Variants in GANC observed in about 807,000 individuals in gnomAD.
GANC encodes the protein glucosidase alpha, neutral C, also known as neutral alpha-glucosidase C.
GANC carries 117 observed loss-of-function variants against 124.2 expected under a neutral mutation model. The observed-to-expected ratio is 0.94, with a 90% CI of 0.81 to 1.10. The LOEUF (loss-of-function observed/expected upper bound fraction) is 1.10. Among genes scored for constraint, GANC ranks in the 50% least tolerant of loss-of-function variants. GANC has a pLI of 0.00. For missense variants in GANC, 1,140 were observed against 1,095.0 expected (o/e 1.04, Z -0.58); for synonymous variants, 377 against 376.8 (o/e 1.00, Z -0.01).
At chr15:42,278,668 G>A in intron 3 of GANC, 78 bp downstream of exon 3, 2 of 1,013,886 alleles carry the variant, frequency 2.0e-6, no homozygotes, top group Non-Finnish European at 3.0e-6. Flanking sequence ...TTAAAGCTAT[G>A]TATGCTTCAA....
intron 4 of GANC, among the ~76,000 whole-genome samples, chr15:42,288,943 C>CA (rs1410645030): frequency 1.3e-5 from 2 of 152,182 alleles, no homozygotes; most frequent in Admixed American, 1.3e-4. Flanking sequence ...AAGGATAGTA[C>CA]AGCCTTCACA....
intron 21 of GANC, among the ~76,000 whole-genome samples, chr15:42,348,674 C>G (rs1216212797): frequency 2.6e-5 from 4 of 152,214 alleles, no homozygotes; most frequent in Non-Finnish European, 4.4e-5. Context: ...GTGATGTGTC[C>G]TTTTCAGATT....
rs1469368182 is a variant in GANC, at chr15:42,273,343, G to A, written c.-1139G>A. On this transcript the variant is annotated 5_prime_UTR_variant, in exon 1 of 24. Coordinates refer to ENST00000318010, the MANE Select transcript of GANC (RefSeq NM_198141.3). ...GAAAAACGACAGTGGTGACGGGTGAGCTCCCAGAAGCAGAAGAATGACAGG... is the reference window on the plus strand; with the variant it reads ...GAAAAACGACAGTGGTGACGGGTGAACTCCCAGAAGCAGAAGAATGACAGG... 2 of 1,614,118 alleles carry A rather than the reference G, an allele frequency of 1.2e-6. No individual in the cohort carries two copies.
Position 42,308,078 on chromosome 15 carries a change from A to G in GANC, c.626-144A>G, listed in dbSNP as rs1595772359. 5.7e-6 allele frequency: 3 copies of G among 530,446 alleles called. No homozygotes were observed. In the East Asian group the frequency reaches 8.0e-5, roughly 14 times the overall value. 32.9% of individuals were successfully genotyped at this position (530,446 alleles called of 1,614,324 possible). On this transcript the variant is annotated intron_variant, in intron 7 of 23. Coordinates refer to ENST00000318010, the MANE Select transcript of GANC (RefSeq NM_198141.3). ...TGAATATAATATCTCACAGAGGGTC[A>G]GTACACAGCATTTGCTAATTGATCT... is the stretch of plus-strand genomic sequence containing the variant.
chr15:42,349,699 G>C (rs757252828), intron 22 of GANC, among the ~76,000 whole-genome samples: 104 of 152,000 alleles, frequency 6.8e-4, no homozygotes, highest in Admixed American at 2.6e-4. Context: ...TCAGACTAGA[G>C]TGCAGTGGCG....
In GANC at chr15:42,273,216, G is replaced by C; in HGVS notation, c.-1266G>C. ...TTGGGCCGCCGTAGCCCCACCCCTT[G>C]CTCCTCTAGGTTCAGACGTTAGTGA... On this transcript the variant is annotated 5_prime_UTR_variant, in exon 1 of 24. Coordinates refer to ENST00000318010, the MANE Select transcript of GANC (RefSeq NM_198141.3). The C allele has an allele frequency of 6.2e-7, 1 of 1,610,346 alleles. No individual in the cohort carries two copies. Among genetic ancestry groups the C allele is most frequent in the Non-Finnish European group, 8.5e-7 (1 of 1,177,110 alleles).
chr15:42,333,893 T>C (rs2052264898), intron 15 of GANC, among the ~76,000 whole-genome samples: 1 of 152,082 alleles, frequency 6.6e-6, no homozygotes, highest in South Asian at 2.1e-4. Flanking sequence ...TGGGAGGAAA[T>C]AGGTACATAG....
Position 42,326,337 on chromosome 15 carries a change from G to A in GANC, c.1333G>A (p.Asp445Asn). 1 of 1,614,042 alleles carries A rather than the reference G, an allele frequency of 6.2e-7. No homozygotes were observed. The highest frequency in any genetic ancestry group is 8.5e-7 in the Non-Finnish European group (1 of 1,179,950). ...TGATCCCCACATCAAGATTGATCCT[G>A]ACTACTCAGTATATGTGAAGGCCAA... ...ISDPHIKIDP[D>N]YSVYVKAKDQ... The change falls in exon 12 of 24, where the codon GAC becomes AAC. Residue 445 changes from aspartate (D) to asparagine (N), a missense_variant. Transcript: ENST00000318010.
rs908548327 is a variant in GANC, at chr15:42,288,382, C to G, written c.329+564C>G. Among the ~76,000 whole-genome samples, 4 of 152,146 alleles carry G rather than the reference C, an allele frequency of 2.6e-5. No individual in the cohort carries two copies. The South Asian group carries it at 6.2e-4, about 24-fold the overall frequency. ...GGACTAAAGCATTTTCAAGTACCTG[C>G]AAAACTTTAATCTCTTCTCATAACA... On this transcript the variant is annotated intron_variant, in intron 4 of 23. Coordinates refer to ENST00000318010, the MANE Select transcript of GANC (RefSeq NM_198141.3).
intron 3 of GANC, among the ~76,000 whole-genome samples, chr15:42,281,383 A>G (rs995481647): frequency 2.0e-5 from 3 of 152,184 alleles, no homozygotes; most frequent in African/African-American, 7.2e-5. Flanking sequence ...CTCATTGCAT[A>G]GTGAAAGAGC....
chr15:42,282,582 A>C (rs940221602), intron 3 of GANC, among the ~76,000 whole-genome samples: 1 of 152,184 alleles, frequency 6.6e-6, no homozygotes, highest in Non-Finnish European at 1.5e-5. Context: ...GACAAATCCA[A>C]CACTCTTGGT....
At position 42,273,426 on chromosome 15, in the gene GANC, A is replaced by G; in HGVS notation, c.-1056A>G. 1 of 1,613,074 alleles carries G rather than the reference A, an allele frequency of 6.2e-7. No individual in the cohort carries two copies. The highest frequency in any genetic ancestry group is 8.5e-7 in the Non-Finnish European group (1 of 1,179,744). On this transcript the variant is annotated 5_prime_UTR_variant, in exon 1 of 24. Transcript: ENST00000318010. ...TCACAGCCGTGGAGTGCCTACCGAA[A>G]GCATTTCACCCTCTTCCGGTTCGTC...
At chr15:42,285,338 C>T (rs1158318406) in intron 3 of GANC, among the ~76,000 whole-genome samples, 1 of 152,136 alleles carries the variant, frequency 6.6e-6, no homozygotes, top group African/African-American at 2.4e-5. Flanking sequence ...AGCCATTCCC[C>T]ACTGTCTTTA....
At chr15:42,288,199 C>G (rs368444378) in intron 4 of GANC, among the ~76,000 whole-genome samples, 2 of 152,082 alleles carry the variant, frequency 1.3e-5, no homozygotes, top group Admixed American at 1.3e-4. Flanking sequence ...AGCAGGGCTC[C>G]GGAGATCTAA....
chr15:42,274,984 C>T (rs1221201017), intron 1 of GANC, among the ~76,000 whole-genome samples: 2 of 152,178 alleles, frequency 1.3e-5, no homozygotes, highest in Non-Finnish European at 2.9e-5. Context: ...ATGTTGCTTT[C>T]CAAATTCATC....
chr15:42,284,119 T>C (rs1226369668), intron 3 of GANC: 3 of 617,370 alleles, frequency 4.9e-6, no homozygotes, highest in East Asian at 5.5e-5. Context: ...TGAAGAGTCC[T>C]GGTGCCTCAG....
intron 5 of GANC, 126 bp from the exon 6 acceptor site, chr15:42,297,485 G>T: frequency 3.4e-6 from 2 of 590,168 alleles, no homozygotes; most frequent in Admixed American, 3.4e-5. Context: ...TTATAATGAT[G>T]TTATATTTAA....
intron 13 of GANC, among the ~76,000 whole-genome samples, chr15:42,328,297 G>T (rs753173847): frequency 6.6e-6 from 1 of 152,116 alleles, no homozygotes; most frequent in Non-Finnish European, 1.5e-5. Flanking sequence ...ATTTGTGGCT[G>T]CTTTTGTACT....
chr15:42,335,499 A>G (rs2052276978), intron 15 of GANC, among the ~76,000 whole-genome samples: 1 of 152,220 alleles, frequency 6.6e-6, no homozygotes, highest in Non-Finnish European at 1.5e-5. Flanking sequence ...ACAAATCCAC[A>G]GCCCACATCA....
Sources: gnomAD v4.1 joint callset for allele counts (sites outside exome capture counted in the v4.1 genomes callset) on GRCh38, gnomAD v4.1.1 for gene constraint, MANE v1.5 for transcripts, NCBI Gene and HGNC (gene_info 2026-07-23, HGNC 2026-07-21) for gene names.